The following MPST variants were observed in gnomAD, a reference collection of about 807,000 sequenced individuals.
MPST encodes 3-mercaptopyruvate sulfurtransferase.
In MPST, 27 loss-of-function variants were observed where a neutral mutation model predicts 28.5. That is an observed-to-expected ratio of 0.95 (90% CI 0.70 to 1.31). The LOEUF (loss-of-function observed/expected upper bound fraction) is 1.31, where lower values mean the gene tolerates loss of function less well. Among genes scored for constraint, MPST ranks in the 50% most tolerant of loss-of-function variants. The pLI is 0.00. For synonymous variants in MPST, 204 were observed against 209.3 expected, an observed-to-expected ratio of 0.97 and a Z score of 0.22; for missense variants, 492 against 471.1, an observed-to-expected ratio of 1.04 and a Z score of -0.41.
intron 2 of MPST, chr22:37,025,402 C>T (rs1190368940): frequency 3.9e-6 from 1 of 258,556 alleles, no homozygotes; most frequent in Non-Finnish European, 7.6e-6. Flanking sequence ...AAGGCAGAGT[C>T]GGGGGCTGCA....
At chr22:37,025,111 A>C in intron 2 of MPST, 1 of 1,450,448 alleles carries the variant, frequency 6.9e-7, no homozygotes, top group Non-Finnish European at 9.2e-7. Context: ...CCTTGCCTTT[A>C]AAGGCCACTG....
At chr22:37,023,980 G>C in intron 1 of MPST, 3 of 1,456,768 alleles carry the variant, frequency 2.1e-6, no homozygotes, top group Non-Finnish European at 2.7e-6. Flanking sequence ...TGGGTCACTC[G>C]GAGCTTGTGT....
At chr22:37,026,429 G>A (rs1923531713) in intron 2 of MPST, 1 of 152,180 alleles carries the variant, frequency 6.6e-6, no homozygotes, top group Non-Finnish European at 1.5e-5. Flanking sequence ...TCTATAGAAT[G>A]GGAGGTGATA....
At chr22:37,027,460 C>T (rs1923610332) in intron 2 of MPST, 1 of 152,280 alleles carries the variant, frequency 6.6e-6, no homozygotes, top group South Asian at 2.1e-4. Context: ...CAAGGTAACT[C>T]CTACCTATAA....
intron 1 of MPST, 32 bp from the exon 2 acceptor site, chr22:37,024,160 G>A: frequency 7.3e-7 from 1 of 1,369,280 alleles, no homozygotes; most frequent in Non-Finnish European, 9.4e-7. Flanking sequence ...GCCTCTCCCT[G>A]CTTCCCTTCT....
At chr22:37,022,093 A>G (rs1254943227) in intron 1 of MPST, among the ~76,000 whole-genome samples, 3 of 152,076 alleles carry the variant, frequency 2.0e-5, no homozygotes, top group Non-Finnish European at 4.4e-5. Flanking sequence ...GGTTCCCACA[A>G]TAGGGTTCCT....
intron 2 of MPST, 66 bp downstream of exon 2, chr22:37,024,876 G>A: frequency 1.9e-6 from 3 of 1,566,830 alleles, no homozygotes; most frequent in East Asian, 4.7e-5. Flanking sequence ...GCAGTGCCCT[G>A]GACTTGACCT....
At chr22:37,023,797 G>C (rs1438193899) in intron 1 of MPST, 1 of 1,210,824 alleles carries the variant, frequency 8.3e-7, no homozygotes, top group South Asian at 1.6e-5. Flanking sequence ...ACTTCCGTCT[G>C]GGACTTGGTT....
At chr22:37,019,901 T>G in intron 1 of MPST, 29 bp downstream of exon 1, 1 of 1,163,466 alleles carries the variant, frequency 8.6e-7, no homozygotes, top group Admixed American at 4.3e-5. Context: ...CGGCTTGCCT[T>G]TCTGGAGGGG....
At chr22:37,026,407 C>T (rs574392281) in intron 2 of MPST, 9 of 152,240 alleles carry the variant, frequency 5.9e-5, no homozygotes, top group African/African-American at 1.9e-4. Flanking sequence ...CTTATTCAGT[C>T]GCACTAGCTC....
chr22:37,025,843 T>G (rs1372507743), intron 2 of MPST: 2 of 152,278 alleles, frequency 1.3e-5, no homozygotes, highest in African/African-American at 4.8e-5. Context: ...CAGATTGGGT[T>G]TGGAGCCGCT....
chr22:37,023,878 G>C, intron 1 of MPST: 1 of 1,476,496 alleles, frequency 6.8e-7, no homozygotes, highest in East Asian at 3.0e-5. Flanking sequence ...GAAGCCAGCA[G>C]GGCCTTGCCC....
intron 2 of MPST, chr22:37,026,325 A>G (rs1468260738): frequency 6.6e-6 from 1 of 152,226 alleles, no homozygotes; most frequent in Admixed American, 6.5e-5. Context: ...GATAGGGGCA[A>G]GGAGAGCAAG....
chr22:37,029,756 G>A lies in MPST; in HGVS notation c.*242G>A, dbSNP rs1213307450. On this transcript the variant is annotated 3_prime_UTR_variant, in exon 3 of 3. Transcript: ENST00000429360. ...CTCCGAGCTGCCCACCTGGTGCTGAGCTGGGGCCCCGCCTCCTTTCTGTTT... is the reference window on the plus strand; with the variant it reads ...CTCCGAGCTGCCCACCTGGTGCTGAACTGGGGCCCCGCCTCCTTTCTGTTT... 3.5e-6 allele frequency: 2 copies of A among 573,974 alleles called. No homozygotes were observed. Among genetic ancestry groups the A allele is most frequent in the Non-Finnish European group, 6.2e-6 (2 of 324,776 alleles). The allele number at this position is 573,974 out of a possible 1,614,324, so 35.6% of individuals were successfully genotyped here.
chr22:37,027,430 A>C (rs923287140), intron 2 of MPST: 2 of 152,158 alleles, frequency 1.3e-5, no homozygotes, highest in Admixed American at 1.3e-4. Context: ...GATCGTTTAA[A>C]AATGGAAATC....
Position 37,024,540 on chromosome 22 carries a change from T to C in MPST, c.385T>C (p.Ser129Pro), listed in dbSNP as rs1192844149. ...IYDASDQGLY[S>P]APRVWWMFRA... ...CGACGCCAGCGACCAGGGCCTCTAC[T>C]CCGCCCCGCGCGTCTGGTGGATGTT... The change falls in exon 2 of 3, where the codon TCC becomes CCC. Residue 129 changes from serine (S) to proline (P), a missense_variant. By Grantham distance (74) the Ser-to-Pro change is moderately conservative. Transcript: ENST00000429360. 6.4e-7 allele frequency: 1 copy of C among 1,570,136 alleles called. No homozygotes were observed. The highest frequency in any genetic ancestry group is 2.3e-5 in the East Asian group (1 of 42,626).
At position 37,029,699 on chromosome 22, in the gene MPST, C is replaced by T. The variant is rs373687805; in HGVS notation, c.*185C>T. 37 of 671,704 alleles carry T rather than the reference C, an allele frequency of 5.5e-5. No individual in the cohort carries two copies. Among genetic ancestry groups the T allele is most frequent in the East Asian group, 2.7e-4 (10 of 36,372 alleles). The allele number at this position is 671,704 out of a possible 1,614,324, so 41.6% of individuals were successfully genotyped here. A position where few individuals can be genotyped will look rare whatever the true frequency, so the allele number is the denominator to read the frequency against. Reference sequence around the variant, plus strand: ...CTGCCAGTAGGGGCGGGAGGAAAGGCGGAGGCGAGCCCTGGAGGAGGGAGG... The same window carrying T: ...CTGCCAGTAGGGGCGGGAGGAAAGGTGGAGGCGAGCCCTGGAGGAGGGAGG... On this transcript the variant is annotated 3_prime_UTR_variant, in exon 3 of 3. Coordinates refer to ENST00000429360, the MANE Select transcript of MPST (RefSeq NM_021126.8).
chr22:37,024,885 C>T (rs1555881865), intron 2 of MPST, 75 bp downstream of exon 2: 1 of 1,555,852 alleles, frequency 6.4e-7, no homozygotes, highest in Admixed American at 1.9e-5. Flanking sequence ...TGGACTTGAC[C>T]TTTCTTTTAT....
At chr22:37,023,804 G>C (rs1417602849) in intron 1 of MPST, 1 of 1,225,820 alleles carries the variant, frequency 8.2e-7, no homozygotes, top group African/African-American at 1.6e-5. Context: ...TCTGGGACTT[G>C]GTTGCAAATA....
Sources: gnomAD v4.1 joint callset for allele counts (sites outside exome capture counted in the v4.1 genomes callset) on GRCh38, gnomAD v4.1.1 for gene constraint, MANE v1.5 for transcripts, NCBI Gene and HGNC (gene_info 2026-07-23, HGNC 2026-07-21) for gene names.